The following ZNF544 variants were observed in gnomAD, a reference collection of about 807,000 sequenced individuals.
ZNF544 encodes zinc finger protein AF020591.
Under a neutral mutation model 13.5 loss-of-function variants are expected in ZNF544, and 10 were observed. The observed-to-expected ratio is 0.74, with a 90% CI of 0.46 to 1.25. The LOEUF is 1.25. Among genes scored for constraint, ZNF544 ranks in the 50% most tolerant of loss-of-function variants. ZNF544 has a pLI of 0.00. For missense variants in ZNF544, 896 were observed against 845.6 expected (o/e 1.06, Z -0.74); for synonymous variants, 323 against 300.5 (o/e 1.07, Z -0.77).
At chr19:58,235,233 G>A (rs1269551724) in intron 3 of ZNF544, among the ~76,000 whole-genome samples, 1 of 152,134 alleles carries the variant, frequency 6.6e-6, no homozygotes, top group Non-Finnish European at 1.5e-5. Flanking sequence ...GAATACTATT[G>A]GCAACTATAA....
At chr19:58,242,023 C>T (rs192979102) in intron 3 of ZNF544, among the ~76,000 whole-genome samples, 66 of 152,102 alleles carry the variant, frequency 4.3e-4, no homozygotes, top group African/African-American at 1.1e-3. Context: ...GAGATTAGGA[C>T]CTGCGAAGCT....
intron 5 of ZNF544, 102 bp downstream of exon 5, chr19:58,246,529 G>T: frequency 6.5e-7 from 1 of 1,547,290 alleles, no homozygotes; most frequent in Non-Finnish European, 8.8e-7. Flanking sequence ...ACTGGAAGCA[G>T]GTCCCTTTCA....
At chr19:58,253,107 C>T (rs907348968) in intron 6 of ZNF544, among the ~76,000 whole-genome samples, 4 of 152,198 alleles carry the variant, frequency 2.6e-5, no homozygotes, top group African/African-American at 4.8e-5. Context: ...CGTGAGCCAC[C>T]GCACCCAACC....
In ZNF544 at chr19:58,263,059, T is replaced by G; in HGVS notation, c.*305T>G. On this transcript the variant is annotated 3_prime_UTR_variant, in exon 7 of 7. Coordinates refer to ENST00000687789, the MANE Select transcript of ZNF544 (RefSeq NM_014480.4). ...GTCAACTTACTAGGCAGCAGAGAAT[T>G]CATACTGGAGAGAAGCCCTGTGAAT... is the stretch of plus-strand genomic sequence containing the variant. The G allele has an allele frequency of 8.9e-7, 1 of 1,120,706 alleles. No individual in the cohort carries two copies. The highest frequency in any genetic ancestry group is 1.6e-5 in the African/African-American group (1 of 61,916). The allele number at this position is 1,120,706 out of a possible 1,614,324, so 69.4% of individuals were successfully genotyped here.
intron 3 of ZNF544, among the ~76,000 whole-genome samples, chr19:58,238,523 C>T (rs148122960): frequency 3.2e-4 from 48 of 152,230 alleles, no homozygotes; most frequent in African/African-American, 1.2e-3. Context: ...GTGAGGAGAG[C>T]ACGCAGGAGG....
intron 6 of ZNF544, among the ~76,000 whole-genome samples, chr19:58,255,426 G>A (rs1029941565): frequency 6.6e-5 from 10 of 152,130 alleles, no homozygotes; most frequent in Middle Eastern, 3.2e-3. Context: ...TGATCCACCC[G>A]CCTTGGCCTC....
At chr19:58,229,213 C>G (rs2040598075) in intron 1 of ZNF544, 1 of 149,728 alleles carries the variant, frequency 6.7e-6, no homozygotes. Flanking sequence ...TGTCGGGAGG[C>G]TCTCCTGCTG....
intron 3 of ZNF544, among the ~76,000 whole-genome samples, chr19:58,235,518 A>G (rs772044531): frequency 2.0e-5 from 3 of 152,202 alleles, no homozygotes; most frequent in African/African-American, 2.4e-5. Context: ...TTTTTATGCA[A>G]TTAACCTAAA....
rs1220501880 is a variant in ZNF544, at chr19:58,245,816, AG to A, written c.34-484del. On this transcript the variant is annotated intron_variant, in intron 4 of 6. Coordinates refer to ENST00000687789, the MANE Select transcript of ZNF544 (RefSeq NM_014480.4). ...GAAGTGGGTGAGGATCTCCTAGTGG[AG>A]TTCCTGTCATTTCCAGTCTAGAAAT... 4 of 178,370 alleles carry A rather than the reference AG, an allele frequency of 2.2e-5. No homozygotes were observed. In the East Asian group the frequency reaches 6.7e-4, roughly 30 times the overall value. 11.0% of individuals were successfully genotyped at this position (178,370 alleles called of 1,614,324 possible).
In ZNF544 at chr19:58,246,272, T is replaced by C. The variant is rs9941461; in HGVS notation, c.34-29T>C. 5,071 of 1,613,562 alleles carry C rather than the reference T, an allele frequency of 3.1e-3. 127 individuals carry two copies. The African/African-American group carries it at 0.059, about 19-fold the overall frequency. On this transcript the variant is annotated intron_variant, in intron 4 of 6. Transcript: ENST00000687789. ...CGTGAGGGCATGAGGACCTGGGGTC[T>C]CTGAGCAGTAACAAGTGCCCTGTTT...
At chr19:58,245,899 A>T in intron 4 of ZNF544, 1 of 319,732 alleles carries the variant, frequency 3.1e-6, no homozygotes, top group South Asian at 2.6e-5. Flanking sequence ...AATGGTACAG[A>T]CCACATACAT....
chr19:58,269,440 A>C (rs978070098), intron 5 of ZNF544, among the ~76,000 whole-genome samples: 15 of 103,178 alleles, frequency 1.5e-4, no homozygotes, highest in African/African-American at 4.0e-4. Context: ...TGTCTCAAAA[A>C]AAAACAAACA....
chr19:58,272,745 T>C (rs2050781620), intron 5 of ZNF544, among the ~76,000 whole-genome samples: 1 of 151,380 alleles, frequency 6.6e-6, no homozygotes, highest in African/African-American at 2.4e-5. Flanking sequence ...TGCGTGCCTG[T>C]AAATCCAGCT....
rs1176432921 is a variant in ZNF544 at position 58,263,111 on chromosome 19, T to G, written c.*357T>G. ...TTAACAAATGTGGAAAAGCTTCCAG[T>G]TATGATACTTTCCTTATTCAACATG... On this transcript the variant is annotated 3_prime_UTR_variant, in exon 7 of 7. Transcript: ENST00000687789. 1 of 1,030,548 alleles carries G rather than the reference T, an allele frequency of 9.7e-7. No homozygotes were observed. Among genetic ancestry groups the G allele is most frequent in the Non-Finnish European group, 1.2e-6 (1 of 856,678 alleles). The allele number at this position is 1,030,548 out of a possible 1,614,324, so 63.8% of individuals were successfully genotyped here. A position where few individuals can be genotyped will look rare whatever the true frequency, so the allele number is the denominator to read the frequency against.
chr19:58,229,260 C>G (rs2040616491), intron 1 of ZNF544: 1 of 97,978 alleles, frequency 1.0e-5, no homozygotes, highest in African/African-American at 3.7e-5. Flanking sequence ...CTCGCAGGTA[C>G]GGGCAGGGGT....
At chr19:58,268,144 A>G (rs2050169166), downstream of ZNF544, among the ~76,000 whole-genome samples, 1 of 151,748 alleles carries the variant, frequency 6.6e-6, no homozygotes, top group Non-Finnish European at 1.5e-5. Flanking sequence ...TACTAAAAAT[A>G]CAAAATTAGC....
chr19:58,234,667 A>G (rs531596461), intron 3 of ZNF544, among the ~76,000 whole-genome samples: 18 of 152,352 alleles, frequency 1.2e-4, no homozygotes, highest in African/African-American at 3.4e-4. Flanking sequence ...TATTTAACCT[A>G]AACATACACA....
intron 3 of ZNF544, chr19:58,242,153 G>A (rs918385714): frequency 9.8e-6 from 8 of 813,722 alleles, no homozygotes; most frequent in Non-Finnish European, 7.4e-6. Flanking sequence ...TGAGAGCATC[G>A]CTGGGGTGAA....
At chr19:58,250,092 T>C (rs959078642) in intron 6 of ZNF544, among the ~76,000 whole-genome samples, 3 of 152,222 alleles carry the variant, frequency 2.0e-5, no homozygotes, top group African/African-American at 7.2e-5. Flanking sequence ...TCCAATTGGC[T>C]GGTAAACATA....
Sources: gnomAD v4.1 joint callset for allele counts (sites outside exome capture counted in the v4.1 genomes callset) on GRCh38, gnomAD v4.1.1 for gene constraint, MANE v1.5 for transcripts, NCBI Gene and HGNC (gene_info 2026-07-23, HGNC 2026-07-21) for gene names.